SGCE: variants seen among roughly 807,000 people sequenced by gnomAD.
SGCE encodes the protein epsilon-sarcoglycan.
Under a neutral mutation model 57.8 loss-of-function variants are expected in SGCE, and 26 were observed. The ratio of observed to expected loss-of-function variants is 0.45; its 90% CI spans 0.33 to 0.62. The LOEUF is 0.62. Among genes scored for constraint, SGCE ranks in the 20% least tolerant of loss-of-function variants. SGCE has a pLI of 0.02. For synonymous variants in SGCE, 183 were observed against 189.5 expected, an observed-to-expected ratio of 0.97 and a Z score of 0.28; for missense variants, 468 against 548.6, an observed-to-expected ratio of 0.85 and a Z score of 1.47.
chr7:94,622,485 C>G (rs1475726196), intron 4 of SGCE: 3 of 151,948 alleles, frequency 2.0e-5, no homozygotes, highest in African/African-American at 7.3e-5. Flanking sequence ...AAAAATTAGC[C>G]GGGTGTGGTG....
intron 9 of SGCE, 104 bp downstream of exon 9, chr7:94,598,671 C>T: frequency 1.2e-6 from 1 of 850,782 alleles, no homozygotes; most frequent in Non-Finnish European, 2.0e-6. Context: ...TTTTCTCTTC[C>T]AGTTATAAAC....
intron 10 of SGCE, chr7:94,587,617 A>T: frequency 7.2e-7 from 1 of 1,397,484 alleles, no homozygotes; most frequent in Non-Finnish European, 9.2e-7. Context: ...TCCTTCATCA[A>T]TCTCCTGAAT....
At chr7:94,650,065 G>A (rs1807670414) in intron 1 of SGCE, among the ~76,000 whole-genome samples, 1 of 152,140 alleles carries the variant, frequency 6.6e-6, no homozygotes, top group Non-Finnish European at 1.5e-5. Flanking sequence ...TCACCATACA[G>A]GAAAGAAAAA....
intron 5 of SGCE, among the ~76,000 whole-genome samples, chr7:94,613,311 A>C (rs1343455990): frequency 1.3e-5 from 2 of 152,228 alleles, no homozygotes; most frequent in Non-Finnish European, 2.9e-5. Flanking sequence ...TGCTAAAATT[A>C]TGTTTTTCAT....
intron 3 of SGCE, chr7:94,625,072 T>A (rs1269176384): frequency 6.6e-6 from 1 of 152,024 alleles, no homozygotes; most frequent in Non-Finnish European, 1.5e-5. Context: ...GTGAAGACCG[T>A]CAAAGCAGAA....
At chr7:94,608,451 T>C (rs1800500730) in intron 5 of SGCE, among the ~76,000 whole-genome samples, 1 of 152,244 alleles carries the variant, frequency 6.6e-6, no homozygotes, top group South Asian at 2.1e-4. Context: ...AGATATTCCA[T>C]GTTTAATGGA....
intron 2 of SGCE, chr7:94,628,697 T>C (rs888228527): frequency 1.2e-5 from 3 of 259,848 alleles, no homozygotes; most frequent in Non-Finnish European, 2.2e-5. Context: ...GTACTCATTC[T>C]TTTGCGAAAT....
rs1399972845 is a variant in SGCE at position 94,585,428 on chromosome 7, GAGAAA to G, written c.*66_*70del. The G allele has an allele frequency of 3.5e-6, 5 of 1,412,138 alleles. No homozygotes were observed. Among genetic ancestry groups the G allele is most frequent in the East Asian group, 4.6e-5 (2 of 43,800 alleles). 87.5% of individuals were successfully genotyped at this position (1,412,138 alleles called of 1,614,324 possible). On this transcript the variant is annotated 3_prime_UTR_variant, in exon 11 of 11. Transcript: ENST00000648936. Reference sequence around the variant, plus strand: ...CAGAAAAGCTCATGCATTATTGGAAGAGAAAAGAAATGTGATGTAACTGCTATATT... The same window carrying G: ...CAGAAAAGCTCATGCATTATTGGAAGAGAAATGTGATGTAACTGCTATATT...
intron 5 of SGCE, among the ~76,000 whole-genome samples, chr7:94,610,419 G>T (rs1800829720): frequency 6.6e-6 from 1 of 152,086 alleles, no homozygotes; most frequent in Non-Finnish European, 1.5e-5. Context: ...ACTCTGGTGG[G>T]GGATGTTGAT....
intron 5 of SGCE, among the ~76,000 whole-genome samples, chr7:94,611,055 G>T (rs1232038648): frequency 6.6e-6 from 1 of 152,168 alleles, no homozygotes; most frequent in Non-Finnish European, 1.5e-5. Context: ...TGGTGGAAAT[G>T]TAAAATGCAT....
intron 10 of SGCE, chr7:94,586,554 C>G (rs1255438805): frequency 6.6e-6 from 1 of 152,228 alleles, no homozygotes; most frequent in African/African-American, 2.4e-5. Context: ...GGCTGGAGTA[C>G]AATGGCGTGA....
At chr7:94,644,485 G>A in intron 1 of SGCE, 1 of 357,798 alleles carries the variant, frequency 2.8e-6, no homozygotes, top group East Asian at 8.9e-5. Flanking sequence ...GTGACTGATT[G>A]CTGATGAGCT....
chr7:94,648,376 C>CATAAAAAAAAAAA (rs1807402021), intron 1 of SGCE, among the ~76,000 whole-genome samples: 1 of 65,080 alleles, frequency 1.5e-5, no homozygotes, highest in Non-Finnish European at 2.8e-5. Context: ...ACTCTGTCTC[C>CATAAAAAAAAAAA]AAAAAAAAAA....
chr7:94,636,943 T>C (rs1317792194), intron 1 of SGCE, among the ~76,000 whole-genome samples: 1 of 151,398 alleles, frequency 6.6e-6, no homozygotes, highest in Non-Finnish European at 1.5e-5. Context: ...TGGGTGCCTA[T>C]AATCCCAGCT....
chr7:94,606,735 T>A (rs753743368), intron 5 of SGCE, among the ~76,000 whole-genome samples: 4 of 152,062 alleles, frequency 2.6e-5, no homozygotes, highest in African/African-American at 9.7e-5. Flanking sequence ...ATTAACAAAT[T>A]TAAAGGAATG....
chr7:94,623,076 A>G (rs1803072808), intron 4 of SGCE, among the ~76,000 whole-genome samples: 2 of 152,164 alleles, frequency 1.3e-5, no homozygotes, highest in Non-Finnish European at 2.9e-5. Flanking sequence ...TTTTAAGGTA[A>G]TGAAAAAGGC....
At chr7:94,610,594 A>G (rs1800868713) in intron 5 of SGCE, among the ~76,000 whole-genome samples, 1 of 152,212 alleles carries the variant, frequency 6.6e-6, no homozygotes. Context: ...ACCTTGGATT[A>G]GGCAATGATT....
At chr7:94,588,361 A>G (rs1797193707) in intron 10 of SGCE, 3 of 1,130,034 alleles carry the variant, frequency 2.7e-6, no homozygotes, top group Non-Finnish European at 3.3e-6. Context: ...CAAATCCTGG[A>G]TGCATCCAAG....
chr7:94,628,151 C>A (rs755589605), intron 3 of SGCE, 51 bp downstream of exon 3: 1 of 1,401,056 alleles, frequency 7.1e-7, no homozygotes, highest in Non-Finnish European at 1.0e-6. Context: ...CACACACACA[C>A]ACACACACAC....
Sources: allele counts gnomAD v4.1 joint callset (sites outside exome capture counted in the v4.1 genomes callset), GRCh38; gene constraint gnomAD v4.1.1; transcripts MANE v1.5; gene names NCBI Gene and HGNC (gene_info 2026-07-23, HGNC 2026-07-21).